CSNK2A2IP: variants seen among roughly 807,000 people sequenced by gnomAD.
CSNK2A2IP encodes the protein casein kinase 2 subunit alpha' interacting protein.
chr3:88,350,043 T>A, the CSNK2A2IP span, among the ~76,000 whole-genome samples: 1 of 152,086 alleles, frequency 6.6e-6, no homozygotes, highest in Non-Finnish European at 1.5e-5. Context: ...CACTGCTCAA[T>A]AAAATGAACA....
chr3:88,339,105 T>G, the CSNK2A2IP span, among the ~76,000 whole-genome samples: 1 of 152,098 alleles, frequency 6.6e-6, no homozygotes, highest in Admixed American at 6.6e-5. Flanking sequence ...CACATTAAAT[T>G]AGTGTTAACT....
At chr3:88,364,244 GTTCTGAAAAACATCATT>G in the CSNK2A2IP span, among the ~76,000 whole-genome samples, 1 of 151,806 alleles carries the variant, frequency 6.6e-6, no homozygotes, top group Admixed American at 6.5e-5. Context: ...TGTGTCCAGT[GTTCTGAAAAACATCATT>G]TTATATGTTT....
the CSNK2A2IP span, among the ~76,000 whole-genome samples, chr3:88,427,410 C>T: frequency 6.6e-6 from 1 of 152,304 alleles, no homozygotes; most frequent in African/African-American, 2.4e-5. Context: ...GTCAAGCTGG[C>T]TGCAGAAATT....
the CSNK2A2IP span, among the ~76,000 whole-genome samples, chr3:88,428,197 C>T: frequency 6.6e-6 from 1 of 152,050 alleles, no homozygotes; most frequent in Admixed American, 6.6e-5. Flanking sequence ...TCCTATAGCC[C>T]CTTTGTTTTA....
At chr3:88,414,776 C>T in the CSNK2A2IP span, among the ~76,000 whole-genome samples, 1 of 151,638 alleles carries the variant, frequency 6.6e-6, no homozygotes, top group South Asian at 2.1e-4. Flanking sequence ...GTAGACAGTA[C>T]AGTATATTAA....
the CSNK2A2IP span, among the ~76,000 whole-genome samples, chr3:88,360,424 C>T: frequency 0.011 from 1,657 of 152,260 alleles, 22 homozygotes; most frequent in Non-Finnish European, 0.014. Flanking sequence ...TGAGCCACTG[C>T]GCCCGGCCAA....
At chr3:88,375,176 T>C in the CSNK2A2IP span, among the ~76,000 whole-genome samples, 1 of 151,898 alleles carries the variant, frequency 6.6e-6, no homozygotes, top group East Asian at 1.9e-4. Context: ...TGAATGACTT[T>C]CTGTAAGCCC....
the CSNK2A2IP span, among the ~76,000 whole-genome samples, chr3:88,377,954 A>G: frequency 6.6e-6 from 1 of 151,928 alleles, no homozygotes; most frequent in Non-Finnish European, 1.5e-5. Flanking sequence ...AACAGATTTT[A>G]TGTGCTAATG....
chr3:88,417,233 T>C, the CSNK2A2IP span, among the ~76,000 whole-genome samples: 1 of 152,192 alleles, frequency 6.6e-6, no homozygotes, highest in African/African-American at 2.4e-5. Context: ...CATTTGTTAG[T>C]ATTTAATGTT....
the CSNK2A2IP span, among the ~76,000 whole-genome samples, chr3:88,353,697 C>T: frequency 6.6e-6 from 1 of 152,096 alleles, no homozygotes; most frequent in African/African-American, 2.4e-5. Context: ...TGAAGTATTT[C>T]AATTACACTC....
At chr3:88,406,312 A>C in the CSNK2A2IP span, among the ~76,000 whole-genome samples, 7 of 152,304 alleles carry the variant, frequency 4.6e-5, no homozygotes, top group East Asian at 9.6e-4. Flanking sequence ...TTAATGCATA[A>C]TGGTTATATG....
the CSNK2A2IP span, among the ~76,000 whole-genome samples, chr3:88,405,102 C>T: frequency 1.3e-5 from 2 of 152,038 alleles, no homozygotes; most frequent in Admixed American, 6.6e-5. Context: ...CCATCCATGA[C>T]CCCCACCCAG....
chr3:88,398,337 T>C, the CSNK2A2IP span, among the ~76,000 whole-genome samples: 1 of 152,110 alleles, frequency 6.6e-6, no homozygotes, highest in Non-Finnish European at 1.5e-5. Context: ...ATGCTTCTGT[T>C]TTATCATGTG....
the CSNK2A2IP span, among the ~76,000 whole-genome samples, chr3:88,357,294 G>A: frequency 8.8e-3 from 1,332 of 152,140 alleles, 10 homozygotes; most frequent in Non-Finnish European, 0.016. Flanking sequence ...ACGTGAGATA[G>A]GGGTTTAGTT....
At chr3:88,460,733 G>A in the CSNK2A2IP span, among the ~76,000 whole-genome samples, 26 of 152,108 alleles carry the variant, frequency 1.7e-4, no homozygotes, top group African/African-American at 6.0e-4. Context: ...ACCTCCTCAA[G>A]TGTATTATTA....
At chr3:88,398,648 G>A in the CSNK2A2IP span, among the ~76,000 whole-genome samples, 36 of 152,234 alleles carry the variant, frequency 2.4e-4, no homozygotes, top group African/African-American at 8.7e-4. Flanking sequence ...TGAAGAGAAA[G>A]CATAGATGTC....
the CSNK2A2IP span, among the ~76,000 whole-genome samples, chr3:88,370,727 G>A: frequency 1.3e-5 from 2 of 151,420 alleles, no homozygotes; most frequent in Non-Finnish European, 3.0e-5. Flanking sequence ...TGGATTGAAT[G>A]TTTGTGTCCC....
chr3:88,435,955 AT>A, the CSNK2A2IP span, among the ~76,000 whole-genome samples: 13 of 121,380 alleles, frequency 1.1e-4, no homozygotes, highest in Non-Finnish European at 2.1e-4. Flanking sequence ...TATAATGCAC[AT>A]TATGTGTGCA....
At chr3:88,465,045 T>A in the CSNK2A2IP span, 1 of 209,336 alleles carries the variant, frequency 4.8e-6, no homozygotes, top group East Asian at 1.1e-4. Flanking sequence ...TTAATATTTC[T>A]ATCAGGACCT....
Sources: gnomAD v4.1 joint callset for allele counts (sites outside exome capture counted in the v4.1 genomes callset) on GRCh38, gnomAD v4.1.1 for gene constraint, MANE v1.5 for transcripts, NCBI Gene and HGNC (gene_info 2026-07-23, HGNC 2026-07-21) for gene names.